ATXN1: variants seen among roughly 807,000 people sequenced by gnomAD.
The protein encoded by ATXN1 is ataxin 1.
ATXN1 carries 8 observed loss-of-function variants against 56.4 expected under a neutral mutation model. The ratio of observed to expected loss-of-function variants is 0.14; its 90% CI spans 0.08 to 0.26. The LOEUF is 0.26. Among genes scored for constraint, ATXN1 ranks in the 10% least tolerant of loss-of-function variants. The probability of loss-of-function intolerance (pLI) is 1.00; values close to 1 mark genes in which losing one functional copy is unlikely to be tolerated. For synonymous variants in ATXN1, 514 were observed against 494.6 expected, an observed-to-expected ratio of 1.04 and a Z score of -0.52; for missense variants, 987 against 1,106.5, an observed-to-expected ratio of 0.89 and a Z score of 1.53.
intron 6 of ATXN1, among the ~76,000 whole-genome samples, chr6:16,408,957 C>T (rs532723686): frequency 9.9e-5 from 15 of 152,276 alleles, no homozygotes; most frequent in Admixed American, 7.2e-4. Context: ...GTTTGGCACA[C>T]AGTAGGTGCT....
intron 4 of ATXN1, among the ~76,000 whole-genome samples, chr6:16,545,548 A>T (rs888913419): frequency 2.6e-5 from 4 of 152,220 alleles, no homozygotes; most frequent in Non-Finnish European, 5.9e-5. Context: ...CCACTTCATC[A>T]TCAACAAACC....
intron 4 of ATXN1, among the ~76,000 whole-genome samples, chr6:16,526,504 C>A (rs1169235723): frequency 6.6e-6 from 1 of 152,208 alleles, no homozygotes; most frequent in Admixed American, 6.5e-5. Flanking sequence ...GTGGCTCACG[C>A]CTGTAATCCC....
At chr6:16,566,562 CA>C (rs1355340881) in intron 4 of ATXN1, among the ~76,000 whole-genome samples, 3 of 151,962 alleles carry the variant, frequency 2.0e-5, no homozygotes, top group Non-Finnish European at 2.9e-5. Context: ...AACAAACAAA[CA>C]AACAAACAGG....
At chr6:16,393,302 A>G (rs1218029095) in intron 6 of ATXN1, among the ~76,000 whole-genome samples, 1 of 152,048 alleles carries the variant, frequency 6.6e-6, no homozygotes, top group Non-Finnish European at 1.5e-5. Context: ...GGTTACATCC[A>G]TAGCTCACTG....
chr6:16,572,253 T>C (rs542324074), intron 4 of ATXN1, among the ~76,000 whole-genome samples: 16 of 152,300 alleles, frequency 1.1e-4, no homozygotes, highest in Admixed American at 3.3e-4. Flanking sequence ...GTCAATAAAA[T>C]GTTTACTTGG....
chr6:16,745,807 G>A (rs1471758093), intron 2 of ATXN1, among the ~76,000 whole-genome samples: 2 of 152,102 alleles, frequency 1.3e-5, no homozygotes, highest in Non-Finnish European at 2.9e-5. Flanking sequence ...AGGTCCTTTT[G>A]AGATTCAAAC....
At chr6:16,414,126 T>C (rs1314058131) in intron 6 of ATXN1, among the ~76,000 whole-genome samples, 1 of 152,240 alleles carries the variant, frequency 6.6e-6, no homozygotes, top group Non-Finnish European at 1.5e-5. Flanking sequence ...CGATAGGTCC[T>C]CATTTTTCCA....
intron 2 of ATXN1, among the ~76,000 whole-genome samples, chr6:16,721,186 C>A (rs1047890802): frequency 6.6e-6 from 1 of 152,238 alleles, no homozygotes; most frequent in Non-Finnish European, 1.5e-5. Context: ...TCATTTGTCT[C>A]ATGCCGAGCA....
chr6:16,683,956 T>C (rs563844420), intron 2 of ATXN1, among the ~76,000 whole-genome samples: 1 of 152,340 alleles, frequency 6.6e-6, no homozygotes, highest in Non-Finnish European at 1.5e-5. Context: ...ACGGTTCTTC[T>C]CCTGGCCCCT....
intron 2 of ATXN1, among the ~76,000 whole-genome samples, chr6:16,692,048 G>A (rs1400168365): frequency 6.6e-6 from 1 of 152,240 alleles, no homozygotes; most frequent in Non-Finnish European, 1.5e-5. Flanking sequence ...CAGATCACCT[G>A]ACATCAGGAG....
At chr6:16,675,731 T>TA (rs563940462) in intron 2 of ATXN1, among the ~76,000 whole-genome samples, 207 of 151,318 alleles carry the variant, frequency 1.4e-3, no homozygotes, top group Admixed American at 5.5e-3. Flanking sequence ...AAAAAATATA[T>TA]AAAAAAAATT....
rs912773638 is a variant in ATXN1 at position 16,460,983 on chromosome 6, A to G, written c.-161+24989T>C. 8.5e-5 allele frequency among the ~76,000 whole-genome samples: 13 copies of G among 152,296 alleles called. No homozygotes were observed. The South Asian group carries it at 1.2e-3, about 15-fold the overall frequency. ...AAGGGAGTTCCTAACCTCTGGGGGA[A>G]CCCCCATTAAATACCACAAGGAAAT... On this transcript the variant is annotated intron_variant, in intron 6 of 7. Transcript: ENST00000436367.
At chr6:16,635,231 C>A (rs1164150443) in intron 3 of ATXN1, among the ~76,000 whole-genome samples, 1 of 152,164 alleles carries the variant, frequency 6.6e-6, no homozygotes, top group East Asian at 1.9e-4. Flanking sequence ...TCTCCCATCA[C>A]CCCTAGATGG....
At chr6:16,558,354 A>G (rs779032368) in intron 4 of ATXN1, among the ~76,000 whole-genome samples, 6 of 151,142 alleles carry the variant, frequency 4.0e-5, no homozygotes, top group Non-Finnish European at 7.4e-5. Flanking sequence ...TATATGAATC[A>G]TATCTCAATA....
At chr6:16,538,325 G>C (rs1327050740) in intron 4 of ATXN1, among the ~76,000 whole-genome samples, 1 of 152,186 alleles carries the variant, frequency 6.6e-6, no homozygotes, top group East Asian at 1.9e-4. Flanking sequence ...ATAGCACAAA[G>C]CACTTAGAGC....
At chr6:16,466,258 C>T (rs1472552509) in intron 6 of ATXN1, among the ~76,000 whole-genome samples, 2 of 134,148 alleles carry the variant, frequency 1.5e-5, no homozygotes, top group African/African-American at 5.7e-5. Flanking sequence ...GCAGAGATTG[C>T]AGTGAGCCGA....
At chr6:16,500,293 C>T (rs1418300024) in intron 5 of ATXN1, among the ~76,000 whole-genome samples, 1 of 152,164 alleles carries the variant, frequency 6.6e-6, no homozygotes, top group Non-Finnish European at 1.5e-5. Context: ...AATTAAGCGA[C>T]AGCCCTAGAT....
intron 2 of ATXN1, among the ~76,000 whole-genome samples, chr6:16,698,798 G>A (rs542329967): frequency 1.2e-4 from 19 of 152,202 alleles, no homozygotes; most frequent in Non-Finnish European, 1.9e-4. Flanking sequence ...TCATTTAACC[G>A]CACTAAGCCT....
intron 6 of ATXN1, among the ~76,000 whole-genome samples, chr6:16,359,444 T>C (rs1430082981): frequency 1.3e-5 from 2 of 152,080 alleles, no homozygotes; most frequent in South Asian, 2.1e-4. Context: ...GGATGACCAG[T>C]TGCAGAGAGG....
Sources: gnomAD v4.1 joint callset for allele counts (sites outside exome capture counted in the v4.1 genomes callset) on GRCh38, gnomAD v4.1.1 for gene constraint, MANE v1.5 for transcripts, NCBI Gene and HGNC (gene_info 2026-07-23, HGNC 2026-07-21) for gene names.